The following ATP2A2 variants were observed in gnomAD, a reference collection of about 807,000 sequenced individuals.
ATP2A2 encodes the protein sarcoplasmic/endoplasmic reticulum calcium ATPase 2.
In ATP2A2, 14 loss-of-function variants were observed where a neutral mutation model predicts 109.3. That is an observed-to-expected ratio of 0.13 (90% confidence interval 0.08 to 0.20). The LOEUF is 0.20. Ranked by LOEUF, ATP2A2 falls within the 10% of genes least tolerant of loss-of-function variation. The pLI, the probability that ATP2A2 is intolerant of heterozygous loss-of-function variation, is 1.00. For synonymous variants in ATP2A2, 506 were observed against 490.9 expected (o/e 1.03, Z -0.41); for missense variants, 657 against 1,321.6 (o/e 0.50, Z 7.80).
intron 5 of ATP2A2, among the ~76,000 whole-genome samples, chr12:110,318,844 T>C (rs996327683): frequency 6.6e-6 from 1 of 152,160 alleles, no homozygotes; most frequent in Non-Finnish European, 1.5e-5. Context: ...TAGAAGCCAA[T>C]TAAACATAGA....
chr12:110,349,106 C>G lies in ATP2A2; in HGVS notation c.*2636C>G. ...AGGGACCCACTTCCCTTGGTCCAGA[C>G]AGCTGGGAGTGGGTTAGGCCCACTG... On this transcript the variant is annotated 3_prime_UTR_variant, in exon 20 of 20. Coordinates refer to ENST00000539276, the MANE Select transcript of ATP2A2 (RefSeq NM_170665.4). The G allele has an allele frequency of 1.0e-6, 1 of 985,506 alleles. No individual in the cohort carries two copies. Among genetic ancestry groups the G allele is most frequent in the Non-Finnish European group, 1.2e-6 (1 of 829,978 alleles). 61.0% of individuals were successfully genotyped at this position (985,506 alleles called of 1,614,324 possible).
chr12:110,313,422 C>T (rs1338366333), intron 5 of ATP2A2, among the ~76,000 whole-genome samples: 1 of 146,996 alleles, frequency 6.8e-6, no homozygotes, highest in Non-Finnish European at 1.5e-5. Flanking sequence ...ACGCCATTCT[C>T]CTGCCTCAGC....
chr12:110,285,234 G>A (rs528895550), intron 3 of ATP2A2, among the ~76,000 whole-genome samples: 1 of 152,238 alleles, frequency 6.6e-6, no homozygotes, highest in South Asian at 2.1e-4. Context: ...AGTTTAATTT[G>A]TAATATTGGC....
At chr12:110,314,343 A>AG (rs1370912842) in intron 5 of ATP2A2, among the ~76,000 whole-genome samples, 1 of 151,628 alleles carries the variant, frequency 6.6e-6, no homozygotes, top group African/African-American at 2.4e-5. Flanking sequence ...AAAGAAAAAA[A>AG]AAAAAAAAGT....
intron 5 of ATP2A2, among the ~76,000 whole-genome samples, chr12:110,302,074 T>A (rs1874714756): frequency 6.6e-6 from 1 of 152,242 alleles, no homozygotes; most frequent in Non-Finnish European, 1.5e-5. Context: ...CTATAGTGTA[T>A]GTGACTTAAG....
intron 5 of ATP2A2, among the ~76,000 whole-genome samples, chr12:110,305,203 C>T (rs984669299): frequency 2.0e-5 from 3 of 152,054 alleles, no homozygotes; most frequent in Non-Finnish European, 2.9e-5. Flanking sequence ...CAAAGTGCTG[C>T]GATTATAGGC....
In ATP2A2 at chr12:110,345,452, T is replaced by C. The variant is rs1299189713; in HGVS notation, c.2741+70T>C. 36 of 1,594,150 alleles carry C rather than the reference T, an allele frequency of 2.3e-5. No individual in the cohort carries two copies. In the East Asian group the frequency reaches 7.8e-4, roughly 35 times the overall value. ...CAGGGCACCGGGGAATTGTGTGTAG[T>C]CACGGTTGATTGAGGATCACAGGAC... On this transcript the variant is annotated intron_variant, in intron 18 of 19. Coordinates refer to ENST00000539276, the MANE Select transcript of ATP2A2 (RefSeq NM_170665.4).
chr12:110,345,943 C>T, intron 18 of ATP2A2, 58 bp from the exon 19 acceptor site: 1 of 1,535,044 alleles, frequency 6.5e-7, no homozygotes, highest in Non-Finnish European at 9.0e-7. Context: ...GTCTTACTGC[C>T]ACTGTGACAC....
At chr12:110,334,427 G>A in intron 11 of ATP2A2, 1 of 459,454 alleles carries the variant, frequency 2.2e-6, no homozygotes, top group Non-Finnish European at 4.0e-6. Context: ...CCTAGCAGAA[G>A]CCACCTCCTC....
At chr12:110,307,740 A>G (rs1347218716) in intron 5 of ATP2A2, among the ~76,000 whole-genome samples, 1 of 152,046 alleles carries the variant, frequency 6.6e-6, no homozygotes, top group Non-Finnish European at 1.5e-5. Context: ...TAGATTCTGG[A>G]TATTAGTCCT....
intron 5 of ATP2A2, among the ~76,000 whole-genome samples, chr12:110,299,387 C>A (rs1874310038): frequency 1.3e-5 from 2 of 152,036 alleles, no homozygotes; most frequent in Non-Finnish European, 2.9e-5. Context: ...GTAGTCTAGG[C>A]AAGAGATAAT....
In ATP2A2 at chr12:110,322,922, C is replaced by T. The variant is rs183641769; in HGVS notation, c.464-70C>T. The T allele has an allele frequency of 4.5e-6, 5 of 1,113,740 alleles. No individual in the cohort carries two copies. The Admixed American group carries it at 5.1e-5, about 11-fold the overall frequency. 69.0% of individuals were successfully genotyped at this position (1,113,740 alleles called of 1,614,324 possible). ...TTTTCTTTAAAAATTGATTTGGAGA[C>T]AAATTCATCTTTAGATAACATAGTT... On this transcript the variant is annotated intron_variant, in intron 5 of 19. Coordinates refer to ENST00000539276, the MANE Select transcript of ATP2A2 (RefSeq NM_170665.4).
Position 110,304,952 on chromosome 12 carries a change from C to T in ATP2A2, c.463+8215C>T, listed in dbSNP as rs139545366. 6.0e-3 allele frequency among the ~76,000 whole-genome samples: 917 copies of T among 151,672 alleles called. 10 individuals carry two copies. Among genetic ancestry groups the T allele is most frequent in the African/African-American group, 0.021 (855 of 41,376 alleles). On this transcript the variant is annotated intron_variant, in intron 5 of 19. Transcript: ENST00000539276. ...ACCACTTTTTTTTTTCTTTTTGAGACGGAGTCTTGCTCTGTTGTCCAGGCT... is the reference window on the plus strand; with the variant it reads ...ACCACTTTTTTTTTTCTTTTTGAGATGGAGTCTTGCTCTGTTGTCCAGGCT...
intron 3 of ATP2A2, among the ~76,000 whole-genome samples, chr12:110,291,770 C>T (rs1206070307): frequency 6.6e-6 from 1 of 151,576 alleles, no homozygotes; most frequent in Admixed American, 6.6e-5. Context: ...CCTCAGCCTC[C>T]TGAGTAGCTG....
At chr12:110,290,374 A>C (rs1406319079) in intron 3 of ATP2A2, among the ~76,000 whole-genome samples, 8 of 152,218 alleles carry the variant, frequency 5.3e-5, no homozygotes, top group African/African-American at 1.9e-4. Flanking sequence ...AATTTAAGTC[A>C]GTGATCAAGT....
chr12:110,350,847 T>C lies in ATP2A2; in HGVS notation c.*4377T>C, dbSNP rs1323375361. On this transcript the variant is annotated 3_prime_UTR_variant, in exon 20 of 20. Transcript: ENST00000539276. The stretch of plus-strand genomic sequence containing the variant: ...AGTTCATTTTCAGTTATTTTCTGAG[T>C]GTGCAGACAGCTATTTCGCACTGTA... 1 of 162,432 alleles carries C rather than the reference T, an allele frequency of 6.2e-6. No homozygotes were observed. Among genetic ancestry groups the C allele is most frequent in the East Asian group, 1.7e-4 (1 of 5,958 alleles). The allele number at this position is 162,432 out of a possible 1,614,324, so 10.1% of individuals were successfully genotyped here. A position where few individuals can be genotyped will look rare whatever the true frequency, so the allele number is the denominator to read the frequency against.
intron 3 of ATP2A2, among the ~76,000 whole-genome samples, chr12:110,288,025 A>G (rs1872841640): frequency 1.3e-5 from 2 of 151,272 alleles, no homozygotes; most frequent in Admixed American, 6.6e-5. Flanking sequence ...CTGCAGCCTC[A>G]GACACCTGGG....
At chr12:110,295,036 C>T (rs1873815062) in intron 4 of ATP2A2, among the ~76,000 whole-genome samples, 2 of 152,080 alleles carry the variant, frequency 1.3e-5, no homozygotes, top group South Asian at 4.1e-4. Context: ...CCAGGCTGGT[C>T]TCGCACTCCC....
At chr12:110,298,616 G>A (rs966095694) in intron 5 of ATP2A2, among the ~76,000 whole-genome samples, 1 of 152,170 alleles carries the variant, frequency 6.6e-6, no homozygotes, top group African/African-American at 2.4e-5. Context: ...TCCTCGGGAG[G>A]CTGAGGCAGG....
Sources: allele counts gnomAD v4.1 joint callset (sites outside exome capture counted in the v4.1 genomes callset), GRCh38; gene constraint gnomAD v4.1.1; transcripts MANE v1.5; gene names NCBI Gene and HGNC (gene_info 2026-07-23, HGNC 2026-07-21).